Variants in PGRMC2 observed in about 807,000 individuals in gnomAD.
The protein encoded by PGRMC2 is progesterone receptor membrane component 2.
A neutral mutation model predicts 19.3 loss-of-function variants in PGRMC2; 9 were observed. The observed-to-expected ratio is 0.47, with a 90% CI of 0.28 to 0.81. PGRMC2 has a LOEUF of 0.81. PGRMC2 is among the 40% of genes least tolerant of loss of function. The pLI is 0.11. For missense variants in PGRMC2, 289 were observed against 297.3 expected (o/e 0.97, Z 0.21); for synonymous variants, 157 against 124.6 (o/e 1.26, Z -1.73).
chr4:128,284,202 G>A (rs909044168), intron 1 of PGRMC2, among the ~76,000 whole-genome samples: 7 of 152,158 alleles, frequency 4.6e-5, no homozygotes, highest in Non-Finnish European at 1.0e-4. Flanking sequence ...TTCTCTACAA[G>A]TTTATCACAG....
At chr4:128,286,902 G>A (rs1367479316) in intron 1 of PGRMC2, 2 of 392,714 alleles carry the variant, frequency 5.1e-6, no homozygotes, top group Non-Finnish European at 8.9e-6. Flanking sequence ...AAGGGGGCAA[G>A]GAAAAGAAAA....
chr4:128,286,435 T>A (rs1760984613), intron 1 of PGRMC2, among the ~76,000 whole-genome samples: 1 of 152,184 alleles, frequency 6.6e-6, no homozygotes, highest in African/African-American at 2.4e-5. Flanking sequence ...CAAAGTTCCC[T>A]GAAAACAAAG....
At chr4:128,285,143 T>C (rs376102327) in intron 1 of PGRMC2, among the ~76,000 whole-genome samples, 64 of 152,254 alleles carry the variant, frequency 4.2e-4, no homozygotes, top group African/African-American at 1.4e-3. Flanking sequence ...TAATTTTTTT[T>C]TATACCGAGT....
chr4:128,284,013 G>T (rs1171770096), intron 1 of PGRMC2, among the ~76,000 whole-genome samples: 1 of 149,496 alleles, frequency 6.7e-6, no homozygotes, highest in Non-Finnish European at 1.5e-5. Context: ...GTTTCACCAT[G>T]TTGGACAGTC....
intron 1 of PGRMC2, among the ~76,000 whole-genome samples, chr4:128,283,977 A>AT (rs61702072): frequency 0.011 from 1,533 of 144,774 alleles, 25 homozygotes; most frequent in African/African-American, 0.037. Flanking sequence ...TTTTATTTTT[A>AT]TTTTTTTTTT....
rs1451552426 is a variant in PGRMC2 at position 128,270,581 on chromosome 4, G to C, written c.*735C>G. 1 of 152,568 alleles carries C rather than the reference G, an allele frequency of 6.6e-6. No individual in the cohort carries two copies. The highest frequency in any genetic ancestry group is 1.5e-5 in the Non-Finnish European group (1 of 68,036). The allele number at this position is 152,568 out of a possible 1,614,324, so 9.5% of individuals were successfully genotyped here. ...TTCCCTAAAAATAATTCAAGTCTAT[G>C]TTAAGTGAAATAAGGCACAATTAAT... On this transcript the variant is annotated 3_prime_UTR_variant, in exon 3 of 3. Coordinates refer to ENST00000296425, the MANE Select transcript of PGRMC2 (RefSeq NM_006320.6).
At chr4:128,285,381 G>A (rs1465973707) in intron 1 of PGRMC2, among the ~76,000 whole-genome samples, 2 of 152,036 alleles carry the variant, frequency 1.3e-5, no homozygotes, top group Admixed American at 6.6e-5. Context: ...CACCCGCCTC[G>A]GCCTCCCAAA....
In PGRMC2 at chr4:128,270,287, A is replaced by C. The variant is rs957580745; in HGVS notation, c.*1029T>G. 15 of 152,692 alleles carry C rather than the reference A, an allele frequency of 9.8e-5. No homozygotes were observed. Among genetic ancestry groups the C allele is most frequent in the African/African-American group, 3.4e-4 (14 of 41,466 alleles). 9.5% of individuals were successfully genotyped at this position (152,692 alleles called of 1,614,324 possible). On this transcript the variant is annotated 3_prime_UTR_variant, in exon 3 of 3. Transcript: ENST00000296425. Reference sequence around the variant, plus strand: ...ATGCACCCACACCAGTGAGATGTGGAGGGTCAGACTCCTAAAATTAGGCAG... The same window carrying C: ...ATGCACCCACACCAGTGAGATGTGGCGGGTCAGACTCCTAAAATTAGGCAG...
chr4:128,275,313 A>G (rs1760791025), intron 1 of PGRMC2, among the ~76,000 whole-genome samples: 1 of 152,212 alleles, frequency 6.6e-6, no homozygotes. Flanking sequence ...CATTATAAAA[A>G]CAGCAATCAG....
At chr4:128,274,790 AAACT>A (rs1295362993) in intron 1 of PGRMC2, among the ~76,000 whole-genome samples, 3 of 152,208 alleles carry the variant, frequency 2.0e-5, no homozygotes. Flanking sequence ...AGGAAAAATA[AAACT>A]AATAAAGGCC....
chr4:128,287,750 C>A lies in PGRMC2; in HGVS notation c.41G>T (p.Gly14Val), dbSNP rs1281132294. 4 of 1,478,316 alleles carry A rather than the reference C, an allele frequency of 2.7e-6. No homozygotes were observed. In the African/African-American group the frequency reaches 5.5e-5, roughly 20 times the overall value. The allele number at this position is 1,478,316 out of a possible 1,614,324, so 91.6% of individuals were successfully genotyped here. A position where few individuals can be genotyped will look rare whatever the true frequency, so the allele number is the denominator to read the frequency against. The change falls in exon 1 of 3, where the codon GGG becomes GTG. Residue 14 changes from glycine to valine, a missense_variant. Gly to Val is a moderately radical substitution (Grantham distance 109). Transcript: ENST00000296425. Reference sequence around the variant, plus strand: ...GTCGTTGCTGCTCTCGCTGCCACTCCCCAGGGTGCCTAGCTTCACGTCCCC... The same window carrying A: ...GTCGTTGCTGCTCTCGCTGCCACTCACCAGGGTGCCTAGCTTCACGTCCCC... ...GDGDVKLGTL[G>V]SGSESSNDGG...
At chr4:128,272,931 A>T (rs1760755063) in intron 1 of PGRMC2, 1 of 153,344 alleles carries the variant, frequency 6.5e-6, no homozygotes, top group Admixed American at 6.5e-5. Flanking sequence ...AATCAACAGA[A>T]CATCATGTAT....
chr4:128,271,114 A>G lies in PGRMC2; in HGVS notation c.*202T>C. On this transcript the variant is annotated 3_prime_UTR_variant, in exon 3 of 3. Coordinates refer to ENST00000296425, the MANE Select transcript of PGRMC2 (RefSeq NM_006320.6). Reference sequence around the variant, plus strand: ...GGATGATGAAGCCCCACTAGACATTACAAACAACTGCAACAAATGAGTTTG... The same window carrying G: ...GGATGATGAAGCCCCACTAGACATTGCAAACAACTGCAACAAATGAGTTTG... 2.5e-6 allele frequency: 1 copy of G among 403,672 alleles called. No individual in the cohort carries two copies. Among genetic ancestry groups the G allele is most frequent in the Non-Finnish European group, 4.4e-6 (1 of 226,096 alleles). The allele number at this position is 403,672 out of a possible 1,614,324, so 25.0% of individuals were successfully genotyped here.
intron 1 of PGRMC2, among the ~76,000 whole-genome samples, chr4:128,282,865 CA>C (rs1377904443): frequency 2.6e-5 from 4 of 152,336 alleles, no homozygotes; most frequent in Admixed American, 6.5e-5. Context: ...AAAAACACTT[CA>C]AGGTACATGT....
chr4:128,271,570 T>C (rs1760730166), intron 2 of PGRMC2, among the ~76,000 whole-genome samples, 157 bp from the exon 3 acceptor site: 1 of 152,242 alleles, frequency 6.6e-6, no homozygotes, highest in South Asian at 2.1e-4. Context: ...GGCTGGTCTT[T>C]ATACACATGT....
chr4:128,287,572 C>G lies in PGRMC2; in HGVS notation c.219G>C (p.Val73=). The G allele has an allele frequency of 6.5e-7, 1 of 1,529,452 alleles. No homozygotes were observed. The highest frequency in any genetic ancestry group is 8.8e-7 in the Non-Finnish European group (1 of 1,137,580). 94.7% of individuals were successfully genotyped at this position (1,529,452 alleles called of 1,614,324 possible). A position where few individuals can be genotyped will look rare whatever the true frequency, so the allele number is the denominator to read the frequency against. ...CCCCCAGACCCCGCCGCCCCCAGCG[C>G]ACCCACAGCCGGTAGGCCCCCAGCA... is the stretch of plus-strand genomic sequence containing the variant. ...LVLLGAYRLW[V]RWGRRGLGAG... The change falls in exon 1 of 3, where the codon GTG becomes GTC. Residue 73 remains valine, a synonymous_variant. Coordinates refer to ENST00000296425, the MANE Select transcript of PGRMC2 (RefSeq NM_006320.6).
chr4:128,271,020 A>G lies in PGRMC2; in HGVS notation c.*296T>C. The G allele has an allele frequency of 4.5e-6, 1 of 221,712 alleles. No individual in the cohort carries two copies. 13.7% of individuals were successfully genotyped at this position (221,712 alleles called of 1,614,324 possible). A position where few individuals can be genotyped will look rare whatever the true frequency, so the allele number is the denominator to read the frequency against. On this transcript the variant is annotated 3_prime_UTR_variant, in exon 3 of 3. Coordinates refer to ENST00000296425, the MANE Select transcript of PGRMC2 (RefSeq NM_006320.6). ...GAGAAAGAAGAAAGGAAAGAAGGAA[A>G]AAAGGAAGGAAAGAAGTAATATTGT...
chr4:128,275,493 A>G (rs1463807082), intron 1 of PGRMC2, among the ~76,000 whole-genome samples: 1 of 152,198 alleles, frequency 6.6e-6, no homozygotes, highest in Non-Finnish European at 1.5e-5. Flanking sequence ...ACTTGGTAAG[A>G]GTGAACTTGA....
intron 1 of PGRMC2, among the ~76,000 whole-genome samples, chr4:128,280,872 T>TTA (rs1760898440): frequency 1.3e-5 from 2 of 152,156 alleles, no homozygotes; most frequent in Non-Finnish European, 2.9e-5. Context: ...AATGGTAGGA[T>TTA]TATAGGCATG....
Sources: gnomAD v4.1 joint callset for allele counts (sites outside exome capture counted in the v4.1 genomes callset) on GRCh38, gnomAD v4.1.1 for gene constraint, MANE v1.5 for transcripts, NCBI Gene and HGNC (gene_info 2026-07-23, HGNC 2026-07-21) for gene names.